Variants in ZNF875 observed in about 807,000 individuals in gnomAD.
The protein encoded by ZNF875 is HKR1, GLI-Kruppel zinc finger family member.
A neutral mutation model predicts 11.2 loss-of-function variants in ZNF875; 14 were observed. The observed-to-expected ratio is 1.26, with a 90% CI of 0.83 to 1.96. The LOEUF (loss-of-function observed/expected upper bound fraction) is 1.96, where lower values mean the gene tolerates loss of function less well. Among genes scored for constraint, ZNF875 ranks in the 30% most tolerant of loss-of-function variants. ZNF875 has a pLI of 0.00. For synonymous variants in ZNF875, 301 were observed against 281.1 expected, an observed-to-expected ratio of 1.07 and a Z score of -0.71; for missense variants, 752 against 760.4, an observed-to-expected ratio of 0.99 and a Z score of 0.13.
At chr19:37,359,194 T>C (rs917322859) in intron 4 of ZNF875, among the ~76,000 whole-genome samples, 7 of 152,166 alleles carry the variant, frequency 4.6e-5, no homozygotes, top group African/African-American at 9.7e-5. Flanking sequence ...CCGCCGCACC[T>C]GGCCTGTGTG....
chr19:37,316,895 GA>G (rs1381232880), upstream of ZNF875: 1 of 150,250 alleles, frequency 6.7e-6, no homozygotes, highest in Non-Finnish European at 1.5e-5. Context: ...TCGAACTCCT[GA>G]CCTCAAGTAA....
chr19:37,317,048 C>T (rs969912779), upstream of ZNF875: 2 of 151,606 alleles, frequency 1.3e-5, no homozygotes, highest in Non-Finnish European at 2.9e-5. Context: ...GATCTCGGCT[C>T]ACTGCAATCT....
chr19:37,363,189 G>A lies in ZNF875; in HGVS notation c.1337G>A (p.Gly446Glu), dbSNP rs960694686. ...NLKTHQRTHS[G>E]VKPYVCLECG... ...AAAACACACCAGAGGACACACTCAG[G>A]GGTTAAACCTTATGTCTGCCTGGAG... Residue 446 changes from glycine (G) to glutamate (E), a missense_variant, in exon 5 of 5, where the codon GGG (glycine) becomes GAG (glutamate). Transcript: ENST00000392153. The A allele has an allele frequency of 2.5e-6, 4 of 1,613,924 alleles. No individual in the cohort carries two copies. In the African/African-American group the frequency reaches 5.3e-5, roughly 22 times the overall value.
At chr19:37,357,087 C>T (rs2039039326) in intron 4 of ZNF875, among the ~76,000 whole-genome samples, 1 of 152,068 alleles carries the variant, frequency 6.6e-6, no homozygotes, top group African/African-American at 2.4e-5. Context: ...GTGTCCTTTC[C>T]CCATTGTTTA....
rs151129355 is a variant in ZNF875 at position 37,347,231 on chromosome 19, G to T, written c.75G>T (p.Gln25His). Residue 25 changes from glutamine (Q) to histidine (H), a missense_variant, in exon 3 of 5, where the codon CAG becomes CAT. Coordinates refer to ENST00000392153, the MANE Select transcript of ZNF875 (RefSeq NM_001353803.2). ...AFRDVAVYFT[Q>H]EEWRLLSPAQ... is the part of the protein sequence containing the mutation. ...GGGATGTGGCTGTGTACTTCACCCA[G>T]GAGGAGTGGAGGTTGTTGAGCCCTG... The T allele has an allele frequency of 4.3e-6, 7 of 1,614,044 alleles. No homozygotes were observed. The African/African-American group carries it at 9.3e-5, about 22-fold the overall frequency.
Position 37,347,818 on chromosome 19 carries a change from C to A in ZNF875, c.202C>A (p.Arg68=), listed in dbSNP as rs369823853. The change falls in exon 4 of 5, where the codon CGA becomes AGA. Residue 68 remains arginine, a synonymous_variant. Transcript: ENST00000392153. ...SKPKLIAQLE[R]GEAPWREERK... ...ACCAAAACTCATTGCTCAGCTGGAG[C>A]GAGGGGAAGCGCCCTGGAGAGAGGA... is the stretch of plus-strand genomic sequence containing the variant. 1.5e-5 allele frequency: 25 copies of A among 1,613,382 alleles called. No individual in the cohort carries two copies. Among genetic ancestry groups the A allele is most frequent in the Non-Finnish European group, 2.1e-5 (25 of 1,179,404 alleles).
upstream of ZNF875, chr19:37,334,617 A>T (rs2033892391): frequency 2.2e-6 from 1 of 451,994 alleles, no homozygotes; most frequent in Non-Finnish European, 4.5e-6. Flanking sequence ...TCCCCTCCCT[A>T]CCCTTCAGTG....
At chr19:37,325,995 C>G (rs973416261) in intron 4 of ZNF875, among the ~76,000 whole-genome samples, 1 of 152,096 alleles carries the variant, frequency 6.6e-6, no homozygotes, top group African/African-American at 2.4e-5. Flanking sequence ...ACGCGTGAGC[C>G]ACTGCACTTG....
In ZNF875 at chr19:37,341,155, C is replaced by T. The variant is rs543758120; in HGVS notation, c.33+5898C>T. Among the ~76,000 whole-genome samples, 82 of 152,320 alleles carry T rather than the reference C, an allele frequency of 5.4e-4. 4 individuals carry two copies. The South Asian group carries it at 0.017, about 32-fold the overall frequency. On this transcript the variant is annotated intron_variant, in intron 2 of 4. Transcript: ENST00000392153. ...CATCATGGGCATCCCAGCAAGCCAACGGTCACATTAGTCACCACGTATTTT... is the reference window on the plus strand; with the variant it reads ...CATCATGGGCATCCCAGCAAGCCAATGGTCACATTAGTCACCACGTATTTT...
chr19:37,349,330 A>T lies in ZNF875; in HGVS notation c.256+1458A>T, dbSNP rs183314926. 1.1e-4 allele frequency among the ~76,000 whole-genome samples: 17 copies of T among 152,240 alleles called. No individual in the cohort carries two copies. In the East Asian group the frequency reaches 3.3e-3, roughly 29 times the overall value. On this transcript the variant is annotated intron_variant, in intron 4 of 4. Coordinates refer to ENST00000392153, the MANE Select transcript of ZNF875 (RefSeq NM_001353803.2). ...GGGAAACAGAACTCAACCTATAGCA[A>T]TTGCTTACACTCACATAGCATTTTA...
At chr19:37,327,495 T>C (rs2032674764) in intron 4 of ZNF875, among the ~76,000 whole-genome samples, 1 of 151,990 alleles carries the variant, frequency 6.6e-6, no homozygotes, top group African/African-American at 2.4e-5. Flanking sequence ...GGGGCAGGCA[T>C]AGTGGCTCAT....
At chr19:37,360,077 C>T in intron 4 of ZNF875, among the ~76,000 whole-genome samples, 1 of 152,190 alleles carries the variant, frequency 6.6e-6, no homozygotes, top group East Asian at 1.9e-4. Context: ...TTTAGAGCTA[C>T]AATCCATTTT....
chr19:37,338,118 T>C (rs1446060246), intron 2 of ZNF875, among the ~76,000 whole-genome samples: 3 of 152,190 alleles, frequency 2.0e-5, no homozygotes, highest in African/African-American at 7.2e-5. Flanking sequence ...GAATATTTTT[T>C]GTGCGTACTT....
chr19:37,362,083 C>T (rs775596561), intron 4 of ZNF875, 26 bp from the exon 5 acceptor site: 2 of 1,566,348 alleles, frequency 1.3e-6, no homozygotes, highest in East Asian at 2.2e-5. Context: ...CCTATGGCCC[C>T]TCTGAAAATG....
At chr19:37,316,809 C>T (rs188315458), upstream of ZNF875, among the ~76,000 whole-genome samples, 1,764 of 150,504 alleles carry the variant, frequency 0.012, 23 homozygotes, top group Middle Eastern at 0.025. Flanking sequence ...ATTACAGGCG[C>T]CCGCCACCAC....
At position 37,347,317 on chromosome 19, in the gene ZNF875, GT is replaced by G; in HGVS notation, c.160+2del. 1.2e-6 allele frequency: 2 copies of G among 1,611,216 alleles called. No homozygotes were observed. The highest frequency in any genetic ancestry group is 1.7e-6 in the Non-Finnish European group (2 of 1,178,184). ...ACTTATAACCATCTGGTCTCACTGG[GT>G]AAGAATGGCCTCCCTTGGCACTTAA... On this transcript the variant is annotated splice_donor_variant, in intron 3 of 4. Transcript: ENST00000392153. LOFTEE classifies it high-confidence loss of function.
At position 37,342,962 on chromosome 19, in the gene ZNF875, C is replaced by T. The variant is rs2036036914; in HGVS notation, c.34-4228C>T. Among the ~76,000 whole-genome samples the T allele has an allele frequency of 2.0e-5, 3 of 152,346 alleles. No individual in the cohort carries two copies. In the South Asian group the frequency reaches 6.2e-4, roughly 32 times the overall value. ...TTTCCAAGCCTCTGCCCATGTCCTG[C>T]TCCCAAAGCTAATGCCACATGTTTT... On this transcript the variant is annotated intron_variant, in intron 2 of 4. Coordinates refer to ENST00000392153, the MANE Select transcript of ZNF875 (RefSeq NM_001353803.2).
At chr19:37,328,361 T>G (rs1288421064) in intron 4 of ZNF875, among the ~76,000 whole-genome samples, 4 of 152,200 alleles carry the variant, frequency 2.6e-5, no homozygotes, top group African/African-American at 9.6e-5. Context: ...AGTTCATGTG[T>G]TGGAAACTCA....
At chr19:37,339,798 C>G (rs1054005539) in intron 2 of ZNF875, among the ~76,000 whole-genome samples, 1 of 151,944 alleles carries the variant, frequency 6.6e-6, no homozygotes, top group African/African-American at 2.4e-5. Context: ...CTCCTGACCT[C>G]AAGTGACCCA....
Sources: gnomAD v4.1 joint callset for allele counts (sites outside exome capture counted in the v4.1 genomes callset) on GRCh38, gnomAD v4.1.1 for gene constraint, MANE v1.5 for transcripts, NCBI Gene and HGNC (gene_info 2026-07-23, HGNC 2026-07-21) for gene names.